TRDN: variants seen among roughly 807,000 people sequenced by gnomAD.
TRDN encodes the protein triadin in skeletal muscle.
In TRDN, 161 loss-of-function variants were observed where a neutral mutation model predicts 149.7. That is an observed-to-expected ratio of 1.08 (90% CI 0.95 to 1.23). TRDN has a LOEUF of 1.23. TRDN is among the 50% of genes most tolerant of loss of function. The pLI is 0.00. For synonymous variants in TRDN, 294 were observed against 250.5 expected (o/e 1.17, Z -1.64); for missense variants, 896 against 823.5 (o/e 1.09, Z -1.08).
At chr6:123,271,048 T>TGTGC (rs2114612518) in intron 30 of TRDN, 91 bp downstream of exon 30, 4 of 674,992 alleles carry the variant, frequency 5.9e-6, no homozygotes, top group African/African-American at 3.7e-5. Flanking sequence ...GCTGTGTGTG[T>TGTGC]GTGTGTGTGT....
chr6:123,286,223 G>A (rs1250463467), intron 24 of TRDN, among the ~76,000 whole-genome samples: 1 of 151,994 alleles, frequency 6.6e-6, no homozygotes, highest in East Asian at 1.9e-4. Flanking sequence ...TACTTGCACA[G>A]ACATGGTTAT....
intron 5 of TRDN, chr6:123,529,480 T>C: frequency 1.1e-6 from 1 of 918,230 alleles, no homozygotes; most frequent in Non-Finnish European, 1.7e-6. Context: ...TGTAGAATGA[T>C]TTGAGCCCTT....
intron 2 of TRDN, among the ~76,000 whole-genome samples, chr6:123,551,488 CT>C (rs1469214367): frequency 6.6e-6 from 1 of 151,810 alleles, no homozygotes; most frequent in Non-Finnish European, 1.5e-5. Flanking sequence ...CAAACTAAAA[CT>C]TTTATTGATG....
At chr6:123,406,573 T>A (rs1001032980) in intron 12 of TRDN, among the ~76,000 whole-genome samples, 1 of 151,750 alleles carries the variant, frequency 6.6e-6, no homozygotes, top group Non-Finnish European at 1.5e-5. Context: ...TAAATTTTAT[T>A]TTCCGTCATA....
chr6:123,335,960 A>G (rs1178765702), intron 22 of TRDN, among the ~76,000 whole-genome samples: 1 of 151,946 alleles, frequency 6.6e-6, no homozygotes, highest in Non-Finnish European at 1.5e-5. Context: ...TTCATATTAC[A>G]TGAGAGTGGA....
At chr6:123,601,474 A>G (rs901362952) in intron 1 of TRDN, among the ~76,000 whole-genome samples, 1 of 152,138 alleles carries the variant, frequency 6.6e-6, no homozygotes, top group Non-Finnish European at 1.5e-5. Flanking sequence ...AACAGGGACT[A>G]TATTTTTTAA....
rs148820808 is a variant in TRDN, at chr6:123,245,188, T to C, written c.1975+7224A>G. Among the ~76,000 whole-genome samples, 43 of 152,194 alleles carry C rather than the reference T, an allele frequency of 2.8e-4. 1 individual carries two copies. The highest frequency in any genetic ancestry group is 9.9e-4 in the African/African-American group (41 of 41,518). On this transcript the variant is annotated intron_variant, in intron 38 of 40. Coordinates refer to ENST00000334268, the MANE Select transcript of TRDN (RefSeq NM_006073.4). ...AACACCATGAAGAAACCGCATCAAC[T>C]AATATGCAAAATAGCCAGCTGGCAT...
chr6:123,260,642 T>TTG lies in TRDN; in HGVS notation c.1805-5_1805-4insCA. ...TCTGTGACTTCTGATGTTCCTTCTT[T>TTG]AGAAAAAAAAAAAAAAAGAATGTAG... On this transcript the variant is annotated splice_polypyrimidine_tract_variant and splice_region_variant and intron_variant, in intron 33 of 40. Transcript: ENST00000334268. The TTG allele has an allele frequency of 5.5e-6, 5 of 916,342 alleles. No individual in the cohort carries two copies. The highest frequency in any genetic ancestry group is 3.8e-4 in the Middle Eastern group (1 of 2,642). The allele number at this position is 916,342 out of a possible 1,614,324, so 56.8% of individuals were successfully genotyped here. A position where few individuals can be genotyped will look rare whatever the true frequency, so the allele number is the denominator to read the frequency against.
chr6:123,428,424 T>C (rs936506430), intron 12 of TRDN, among the ~76,000 whole-genome samples: 61 of 152,160 alleles, frequency 4.0e-4, no homozygotes, highest in Admixed American at 2.3e-3. Flanking sequence ...TACAGCTACA[T>C]AGGCCAATCC....
intron 24 of TRDN, among the ~76,000 whole-genome samples, chr6:123,308,554 C>T (rs372316930): frequency 6.6e-6 from 1 of 151,872 alleles, no homozygotes; most frequent in Non-Finnish European, 1.5e-5. Flanking sequence ...GGACCTCTCG[C>T]CTCATAAATA....
chr6:123,447,852 C>A (rs1775487380), intron 10 of TRDN, among the ~76,000 whole-genome samples: 1 of 151,976 alleles, frequency 6.6e-6, no homozygotes, highest in Non-Finnish European at 1.5e-5. Flanking sequence ...AGAGGACCCA[C>A]AGACCCTCTG....
chr6:123,262,490 C>G (rs1776807091), intron 33 of TRDN, among the ~76,000 whole-genome samples: 1 of 152,020 alleles, frequency 6.6e-6, no homozygotes, highest in South Asian at 2.1e-4. Context: ...TAGGCATTCC[C>G]TCATACATCC....
intron 23 of TRDN, among the ~76,000 whole-genome samples, chr6:123,320,490 C>A (rs535104226): frequency 3.8e-4 from 57 of 151,964 alleles, no homozygotes; most frequent in Non-Finnish European, 4.7e-4. Flanking sequence ...TCCTTACATA[C>A]CACTCCTATG....
chr6:123,520,018 TA>T (rs980709824), intron 5 of TRDN, among the ~76,000 whole-genome samples: 6 of 152,070 alleles, frequency 3.9e-5, no homozygotes, highest in African/African-American at 9.7e-5. Context: ...TTTAAACCCT[TA>T]AAAAAATTCT....
At chr6:123,330,542 C>A (rs1933902) in intron 23 of TRDN, among the ~76,000 whole-genome samples, 141,240 of 152,028 alleles carry the variant, frequency 0.93, 65,665 homozygotes, top group East Asian at 0.99. Context: ...AACTAACTCT[C>A]TCATAAAAGC....
intron 12 of TRDN, among the ~76,000 whole-genome samples, chr6:123,409,421 T>C (rs528654262): frequency 2.0e-4 from 31 of 152,350 alleles, no homozygotes; most frequent in African/African-American, 7.2e-4. Flanking sequence ...TGCCATTTCA[T>C]ATTTTCCTTG....
intron 1 of TRDN, among the ~76,000 whole-genome samples, chr6:123,584,681 A>G (rs962956665): frequency 3.3e-5 from 5 of 152,092 alleles, no homozygotes; most frequent in Admixed American, 2.6e-4. Context: ...CAGCCTAGGT[A>G]ATTTGCTGAG....
At chr6:123,409,120 A>C (rs909016740) in intron 12 of TRDN, among the ~76,000 whole-genome samples, 10 of 152,326 alleles carry the variant, frequency 6.6e-5, no homozygotes, top group African/African-American at 1.9e-4. Flanking sequence ...TACTCCTGGA[A>C]ATGGAAATAA....
In TRDN at chr6:123,624,964, T is replaced by C. The variant is rs569707116; in HGVS notation, c.22+11790A>G. ...TGTGCCTGACCGAAAATTTAGTATT[T>C]AAATCAGGAATTTTACCCAATTTCT... On this transcript the variant is annotated intron_variant, in intron 1 of 40. Transcript: ENST00000334268. Among the ~76,000 whole-genome samples the C allele has an allele frequency of 1.8e-4, 28 of 152,188 alleles. 1 individual carries two copies. The South Asian group carries it at 2.5e-3, about 14-fold the overall frequency.
Sources: allele counts gnomAD v4.1 joint callset (sites outside exome capture counted in the v4.1 genomes callset), GRCh38; gene constraint gnomAD v4.1.1; transcripts MANE v1.5; gene names NCBI Gene and HGNC (gene_info 2026-07-23, HGNC 2026-07-21).